Variants in PTPRD observed in about 807,000 individuals in gnomAD.
PTPRD encodes receptor-type tyrosine-protein phosphatase delta.
In PTPRD, 34 loss-of-function variants were observed where a neutral mutation model predicts 214.5. That is an observed-to-expected ratio of 0.16 (90% CI 0.12 to 0.21). The LOEUF (loss-of-function observed/expected upper bound fraction) is 0.21, where lower values mean the gene tolerates loss of function less well. PTPRD is among the 10% of genes least tolerant of loss of function. PTPRD has a pLI of 1.00. For synonymous variants in PTPRD, 1,128 were observed against 845.7 expected (o/e 1.33, Z -5.79); for missense variants, 2,545 against 2,398.7 (o/e 1.06, Z -1.27).
intron 10 of PTPRD, among the ~76,000 whole-genome samples, chr9:9,048,982 T>C (rs1340116999): frequency 6.6e-6 from 1 of 152,110 alleles, no homozygotes; most frequent in Admixed American, 6.5e-5. Context: ...AATTTTAAAG[T>C]CACCTATACA....
At chr9:8,726,289 T>C (rs543807121) in intron 12 of PTPRD, among the ~76,000 whole-genome samples, 3 of 151,882 alleles carry the variant, frequency 2.0e-5, no homozygotes, top group South Asian at 4.2e-4. Flanking sequence ...TCAAGGTTAC[T>C]TGAAATGGGT....
At chr9:8,461,540 C>T (rs1357200782) in intron 32 of PTPRD, among the ~76,000 whole-genome samples, 1 of 151,970 alleles carries the variant, frequency 6.6e-6, no homozygotes, top group African/African-American at 2.4e-5. Context: ...TAATCCATAT[C>T]CACTAACTGC....
chr9:10,541,141 T>C (rs867691302), intron 2 of PTPRD, among the ~76,000 whole-genome samples: 23 of 152,334 alleles, frequency 1.5e-4, no homozygotes, highest in African/African-American at 5.3e-4. Context: ...GACTTAATTA[T>C]ACTATTTTAT....
intron 12 of PTPRD, among the ~76,000 whole-genome samples, chr9:8,715,003 A>G (rs1166112115): frequency 6.6e-6 from 1 of 152,118 alleles, no homozygotes; most frequent in East Asian, 1.9e-4. Flanking sequence ...AATAAAAAGA[A>G]TATCTCTGAA....
At chr9:10,077,085 G>A (rs1461877028) in intron 3 of PTPRD, among the ~76,000 whole-genome samples, 1 of 152,086 alleles carries the variant, frequency 6.6e-6, no homozygotes, top group African/African-American at 2.4e-5. Flanking sequence ...ATTGTGGTTC[G>A]AATAAAACTT....
intron 3 of PTPRD, among the ~76,000 whole-genome samples, chr9:10,155,639 G>C (rs1203204094): frequency 6.6e-6 from 1 of 152,072 alleles, no homozygotes; most frequent in African/African-American, 2.4e-5. Flanking sequence ...ACATGTTTGA[G>C]AGTTTTTAAC....
intron 3 of PTPRD, among the ~76,000 whole-genome samples, chr9:10,172,698 C>T (rs1336896405): frequency 6.6e-6 from 1 of 152,112 alleles, no homozygotes; most frequent in Non-Finnish European, 1.5e-5. Context: ...GGGAACGTTT[C>T]CAAGAAAGTT....
intron 11 of PTPRD, among the ~76,000 whole-genome samples, chr9:8,826,944 C>T (rs2097188038): frequency 1.3e-5 from 2 of 152,184 alleles, no homozygotes; most frequent in East Asian, 1.9e-4. Flanking sequence ...ACATGTTTCT[C>T]CTTCTGCCTG....
chr9:9,831,539 G>A (rs866605905), intron 5 of PTPRD, among the ~76,000 whole-genome samples: 15 of 151,858 alleles, frequency 9.9e-5, no homozygotes, highest in African/African-American at 2.7e-4. Flanking sequence ...GTTGCTCATC[G>A]TAAGATTGAA....
chr9:8,880,680 G>A (rs936786684), intron 11 of PTPRD, among the ~76,000 whole-genome samples: 14 of 151,990 alleles, frequency 9.2e-5, no homozygotes, highest in African/African-American at 1.9e-4. Flanking sequence ...AGCAAGAAGC[G>A]ATTATTCATA....
chr9:8,796,260 C>T (rs2096418453), intron 11 of PTPRD, among the ~76,000 whole-genome samples: 1 of 152,094 alleles, frequency 6.6e-6, no homozygotes, highest in Non-Finnish European at 1.5e-5. Flanking sequence ...TTTAATTATA[C>T]TGGAATCTAA....
chr9:10,335,512 G>T (rs887199011), intron 3 of PTPRD, among the ~76,000 whole-genome samples: 5 of 151,694 alleles, frequency 3.3e-5, no homozygotes, highest in Non-Finnish European at 4.4e-5. Context: ...TATCATAGAA[G>T]AAAATGTAGA....
At chr9:9,083,121 C>T (rs1024970694) in intron 10 of PTPRD, among the ~76,000 whole-genome samples, 3 of 151,854 alleles carry the variant, frequency 2.0e-5, no homozygotes, top group East Asian at 3.9e-4. Flanking sequence ...AGAACAAAGC[C>T]GGAGGCATCA....
chr9:10,150,896 C>A (rs1305168390), intron 3 of PTPRD, among the ~76,000 whole-genome samples: 2 of 151,952 alleles, frequency 1.3e-5, no homozygotes, highest in Non-Finnish European at 1.5e-5. Context: ...CCCAAATTCT[C>A]TTAAAAATTT....
At chr9:10,509,671 C>T (rs1196781110) in intron 2 of PTPRD, among the ~76,000 whole-genome samples, 4 of 149,828 alleles carry the variant, frequency 2.7e-5, no homozygotes, top group African/African-American at 9.9e-5. Context: ...ATTGTCTCTA[C>T]TGCACTCTTA....
At chr9:9,291,637 A>G (rs1462391860) in intron 9 of PTPRD, among the ~76,000 whole-genome samples, 1 of 151,276 alleles carries the variant, frequency 6.6e-6, no homozygotes, top group Non-Finnish European at 1.5e-5. Flanking sequence ...TATATTGCTT[A>G]TGGTTTTCAT....
At chr9:9,193,714 G>A (rs1378361565) in intron 9 of PTPRD, among the ~76,000 whole-genome samples, 1 of 152,054 alleles carries the variant, frequency 6.6e-6, no homozygotes, top group South Asian at 2.1e-4. Flanking sequence ...ACCTGTGTAG[G>A]GCACTTACCA....
intron 7 of PTPRD, among the ~76,000 whole-genome samples, chr9:9,601,067 T>C (rs1229845859): frequency 6.8e-6 from 1 of 146,174 alleles, no homozygotes; most frequent in Admixed American, 6.9e-5. Flanking sequence ...AGAAAACTCA[T>C]TGGTATCACA....
At chr9:9,645,450 CATATATGTATATAT>C (rs201440013) in intron 7 of PTPRD, among the ~76,000 whole-genome samples, 3,842 of 117,230 alleles carry the variant, frequency 0.033, 175 homozygotes, top group African/African-American at 0.099. Context: ...GGTTTCCCTA[CATATATGTATATAT>C]ATATATATAT....
Sources: gnomAD v4.1 joint callset for allele counts (sites outside exome capture counted in the v4.1 genomes callset) on GRCh38, gnomAD v4.1.1 for gene constraint, MANE v1.5 for transcripts, NCBI Gene and HGNC (gene_info 2026-07-23, HGNC 2026-07-21) for gene names.